The following PLA2G12B variants were observed in gnomAD, a reference collection of about 807,000 sequenced individuals.
PLA2G12B encodes group XIIB secretory phospholipase A2-like protein.
PLA2G12B carries 19 observed loss-of-function variants against 22.3 expected under a neutral mutation model. The ratio of observed to expected loss-of-function variants is 0.85; its 90% CI spans 0.60 to 1.25. The LOEUF is 1.25. Ranked by LOEUF, PLA2G12B falls within the 50% of genes most tolerant of loss-of-function variation. PLA2G12B has a pLI of 0.00. For synonymous variants in PLA2G12B, 81 were observed against 94.9 expected, an observed-to-expected ratio of 0.85 and a Z score of 0.85; for missense variants, 191 against 246.6, an observed-to-expected ratio of 0.77 and a Z score of 1.51.
chr10:72,938,481 G>T (rs753800644), intron 3 of PLA2G12B, among the ~76,000 whole-genome samples: 2 of 152,078 alleles, frequency 1.3e-5, no homozygotes, highest in Non-Finnish European at 2.9e-5. Context: ...AGTTATTTCA[G>T]CTGGGTTGCA....
chr10:72,936,271 G>A (rs1846278771), intron 3 of PLA2G12B, among the ~76,000 whole-genome samples: 1 of 152,140 alleles, frequency 6.6e-6, no homozygotes, highest in African/African-American at 2.4e-5. Flanking sequence ...GAGGTGGACA[G>A]GTAAACAGAT....
Position 72,935,694 on chromosome 10 carries a change from T to C in PLA2G12B, c.511A>G (p.Thr171Ala), listed in dbSNP as rs1239393327. Reference sequence around the variant, plus strand: ...TTCATAAAGGGGCGGCAGCCCAAGGTCCACACGGTGTTGAACACAGTGTCA... The same window carrying C: ...TTCATAAAGGGGCGGCAGCCCAAGGCCCACACGGTGTTGAACACAGTGTCA... ...LVDTVFNTVWTLGCRPFMNSQ... is the reference protein window; with the variant it reads ...LVDTVFNTVWALGCRPFMNSQ... The change falls in exon 4 of 4, where the codon ACC becomes GCC. Residue 171 changes from threonine (T) to alanine (A), a missense_variant. Physicochemically the swap from Thr to Ala is moderately conservative, Grantham distance 58 (BLOSUM62 0). Transcript: ENST00000373032. 1.3e-5 allele frequency: 21 copies of C among 1,614,038 alleles called. No homozygotes were observed. Among genetic ancestry groups the C allele is most frequent in the Non-Finnish European group, 1.6e-5 (19 of 1,180,012 alleles).
At chr10:72,944,456 C>T (rs1169603460) in intron 1 of PLA2G12B, among the ~76,000 whole-genome samples, 1 of 152,096 alleles carries the variant, frequency 6.6e-6, no homozygotes, top group Non-Finnish European at 1.5e-5. Flanking sequence ...TTTGTAGAAT[C>T]AACTTAGTAA....
intron 1 of PLA2G12B, among the ~76,000 whole-genome samples, chr10:72,945,724 C>T (rs57636776): frequency 0.023 from 3,472 of 151,938 alleles, 139 homozygotes; most frequent in African/African-American, 0.08. Context: ...CTTGGCTCAC[C>T]GCAATCTCTG....
At chr10:72,951,290 C>T (rs1846526488) in intron 1 of PLA2G12B, among the ~76,000 whole-genome samples, 1 of 152,052 alleles carries the variant, frequency 6.6e-6, no homozygotes, top group Non-Finnish European at 1.5e-5. Context: ...TTTTCCATTA[C>T]TATGCTTATT....
chr10:72,937,367 A>G (rs927181924), intron 3 of PLA2G12B, among the ~76,000 whole-genome samples: 6 of 152,234 alleles, frequency 3.9e-5, no homozygotes, highest in Non-Finnish European at 7.3e-5. Flanking sequence ...TTACTAGTGT[A>G]TATAAATACA....
intron 1 of PLA2G12B, among the ~76,000 whole-genome samples, chr10:72,945,281 T>C (rs1370324878): frequency 6.6e-6 from 1 of 152,182 alleles, no homozygotes; most frequent in Non-Finnish European, 1.5e-5. Context: ...AAGATTAAGC[T>C]ATAAAAGACC....
intron 1 of PLA2G12B, among the ~76,000 whole-genome samples, chr10:72,942,969 T>TG (rs1491482154): frequency 8.9e-6 from 1 of 112,036 alleles, no homozygotes; most frequent in East Asian, 2.2e-4. Context: ...TCATGAGCAC[T>TG]TTTTTTTTTT....
chr10:72,953,516 A>G (rs1247137183), intron 1 of PLA2G12B, among the ~76,000 whole-genome samples: 1 of 152,142 alleles, frequency 6.6e-6, no homozygotes, highest in African/African-American at 2.4e-5. Flanking sequence ...TAATCCCTTG[A>G]TGAGATAGTT....
intron 1 of PLA2G12B, among the ~76,000 whole-genome samples, chr10:72,953,056 A>T (rs1490505457): frequency 6.6e-6 from 1 of 152,168 alleles, no homozygotes; most frequent in East Asian, 1.9e-4. Context: ...TCCCTGTCCC[A>T]TCCGTGCAAA....
intron 1 of PLA2G12B, among the ~76,000 whole-genome samples, chr10:72,946,844 T>A (rs1846450465): frequency 6.6e-6 from 1 of 152,198 alleles, no homozygotes; most frequent in South Asian, 2.1e-4. Flanking sequence ...CCTTGTCAAT[T>A]CTGCAAATAT....
intron 1 of PLA2G12B, among the ~76,000 whole-genome samples, chr10:72,944,171 T>G (rs1846405966): frequency 6.6e-6 from 1 of 152,116 alleles, no homozygotes; most frequent in African/African-American, 2.4e-5. Context: ...ATTTCAAAAC[T>G]GTTGAAAAGT....
intron 1 of PLA2G12B, among the ~76,000 whole-genome samples, chr10:72,949,403 TTTC>T (rs1846491244): frequency 6.6e-6 from 1 of 152,208 alleles, no homozygotes; most frequent in Admixed American, 6.5e-5. Context: ...CCATTTAGTT[TTTC>T]TTTTCTGTTA....
At chr10:72,938,492 G>T (rs1159131759) in intron 3 of PLA2G12B, among the ~76,000 whole-genome samples, 1 of 151,874 alleles carries the variant, frequency 6.6e-6, no homozygotes, top group East Asian at 1.9e-4. Flanking sequence ...CTGGGTTGCA[G>T]GATATAAGAT....
Position 72,952,529 on chromosome 10 carries a change from C to T in PLA2G12B, c.211+1946G>A, listed in dbSNP as rs577553378. Among the ~76,000 whole-genome samples the T allele has an allele frequency of 1.2e-4, 18 of 152,304 alleles. No individual in the cohort carries two copies. In the South Asian group the frequency reaches 1.7e-3, roughly 14 times the overall value. On this transcript the variant is annotated intron_variant, in intron 1 of 3. Coordinates refer to ENST00000373032, the MANE Select transcript of PLA2G12B (RefSeq NM_032562.5). ...AGTTTGAGAACCACTACTTAAAAGA[C>T]GAGCACGGTGCATGAGAGATGTGTC...
chr10:72,935,875 G>A (rs1040705017), intron 3 of PLA2G12B, 137 bp from the exon 4 acceptor site: 3 of 1,233,522 alleles, frequency 2.4e-6, no homozygotes, highest in East Asian at 5.1e-5. Context: ...ATCCATTTCA[G>A]AGAATGTTCT....
intron 3 of PLA2G12B, among the ~76,000 whole-genome samples, chr10:72,936,722 G>A (rs1450169286): frequency 6.6e-6 from 1 of 152,118 alleles, no homozygotes; most frequent in African/African-American, 2.4e-5. Flanking sequence ...AACCACTGAA[G>A]TGTATACTTT....
At chr10:72,941,394 C>G in intron 2 of PLA2G12B, 60 bp from the exon 3 acceptor site, 1 of 1,505,434 alleles carries the variant, frequency 6.6e-7, no homozygotes, top group Non-Finnish European at 9.1e-7. Context: ...AGACTAAGGA[C>G]CTTAGGCAAC....
chr10:72,937,138 A>G (rs557105502), intron 3 of PLA2G12B, among the ~76,000 whole-genome samples: 19 of 151,622 alleles, frequency 1.3e-4, no homozygotes, highest in Admixed American at 4.6e-4. Context: ...GTGAACCCGG[A>G]GGCAGAGCTT....
Sources: gnomAD v4.1 joint callset for allele counts (sites outside exome capture counted in the v4.1 genomes callset) on GRCh38, gnomAD v4.1.1 for gene constraint, MANE v1.5 for transcripts, NCBI Gene and HGNC (gene_info 2026-07-23, HGNC 2026-07-21) for gene names.